CCDC102B: variants seen among roughly 807,000 people sequenced by gnomAD.
The protein encoded by CCDC102B is coiled-coil domain containing 102B, also known as coiled-coil domain-containing protein 102B.
Under a neutral mutation model 57.4 loss-of-function variants are expected in CCDC102B, and 75 were observed. That is an observed-to-expected ratio of 1.31 (90% CI 1.08 to 1.58). CCDC102B has a LOEUF of 1.58. CCDC102B is among the 40% of genes most tolerant of loss of function. The pLI, the probability that CCDC102B is intolerant of heterozygous loss-of-function variation, is 0.00. For missense variants in CCDC102B, 636 were observed against 582.6 expected, an observed-to-expected ratio of 1.09 and a Z score of -0.94; for synonymous variants, 206 against 201.9, an observed-to-expected ratio of 1.02 and a Z score of -0.17.
chr18:68,755,174 A>T (rs2034003002), intron 2 of CCDC102B, among the ~76,000 whole-genome samples: 1 of 152,194 alleles, frequency 6.6e-6, no homozygotes, highest in Non-Finnish European at 1.5e-5. Context: ...AAGCAGAGAA[A>T]GCCTTAAACC....
At chr18:68,964,301 C>A (rs2050117072) in intron 6 of CCDC102B, among the ~76,000 whole-genome samples, 1 of 151,768 alleles carries the variant, frequency 6.6e-6, no homozygotes, top group Non-Finnish European at 1.5e-5. Context: ...ATTTTAATCT[C>A]AATAACCAAA....
intron 3 of CCDC102B, among the ~76,000 whole-genome samples, chr18:68,842,954 C>A (rs1234680859): frequency 6.6e-6 from 1 of 152,086 alleles, no homozygotes; most frequent in African/African-American, 2.4e-5. Flanking sequence ...CTTCATGGGA[C>A]CAGTTTTGTG....
intron 6 of CCDC102B, among the ~76,000 whole-genome samples, chr18:68,936,660 C>CTGGATCAAATAAAGATGTTCATT (rs2049246494): frequency 6.6e-6 from 1 of 151,682 alleles, no homozygotes. Context: ...CCTTGTGTGA[C>CTGGATCAAATAAAGATGTTCATT]TGGATCAAAT....
chr18:68,889,201 T>C (rs2039989880), intron 5 of CCDC102B, among the ~76,000 whole-genome samples: 1 of 152,120 alleles, frequency 6.6e-6, no homozygotes, highest in African/African-American at 2.4e-5. Flanking sequence ...AGGTGGGATG[T>C]TTGGAAAGTG....
At chr18:68,761,865 T>G (rs2034264440) in intron 2 of CCDC102B, among the ~76,000 whole-genome samples, 1 of 152,132 alleles carries the variant, frequency 6.6e-6, no homozygotes, top group Non-Finnish European at 1.5e-5. Context: ...GTGCTTTCAT[T>G]TGTTCTGATT....
intron 2 of CCDC102B, among the ~76,000 whole-genome samples, chr18:68,746,491 A>G (rs1240104758): frequency 6.6e-6 from 1 of 152,134 alleles, no homozygotes; most frequent in Admixed American, 6.6e-5. Context: ...TTGCACAAAA[A>G]ATGACAAAGT....
In CCDC102B at chr18:69,030,467, C is replaced by T. The variant is rs201020799; in HGVS notation, c.1434+19363C>T. 3.9e-5 allele frequency among the ~76,000 whole-genome samples: 6 copies of T among 152,272 alleles called. No individual in the cohort carries two copies. In the East Asian group the frequency reaches 7.7e-4, roughly 20 times the overall value. The stretch of plus-strand genomic sequence containing the variant: ...GTAGACACATGCAGGAAGATTAGAA[C>T]TCAGAAGCTTAAATATAATTCAACA... On this transcript the variant is annotated intron_variant, in intron 7 of 7. Coordinates refer to ENST00000360242, the MANE Select transcript of CCDC102B (RefSeq NM_024781.3).
chr18:68,763,158 A>C (rs2034310067), intron 2 of CCDC102B, among the ~76,000 whole-genome samples: 2 of 151,946 alleles, frequency 1.3e-5, no homozygotes, highest in Non-Finnish European at 2.9e-5. Context: ...GTCTTTAAAG[A>C]CCTTTTTTCA....
intron 6 of CCDC102B, among the ~76,000 whole-genome samples, chr18:69,006,994 G>T (rs1599838412): frequency 6.6e-6 from 1 of 152,284 alleles, no homozygotes; most frequent in East Asian, 1.9e-4. Flanking sequence ...TCTAACACGG[G>T]ATTGTCACGT....
At chr18:68,897,516 C>T (rs1305753917) in intron 6 of CCDC102B, 88 bp downstream of exon 6, 46 of 1,545,076 alleles carry the variant, frequency 3.0e-5, no homozygotes, top group Non-Finnish European at 3.8e-5. Context: ...CACGCCTCCA[C>T]ATTTGGATAT....
At chr18:68,838,667 C>T in intron 2 of CCDC102B, 39 bp from the exon 3 acceptor site, 2 of 1,583,336 alleles carry the variant, frequency 1.3e-6, no homozygotes, top group East Asian at 2.3e-5. Context: ...GATTTTTCTC[C>T]AGGAGGTTTA....
chr18:68,805,508 T>A (rs1441309056), intron 1 of CCDC102B, among the ~76,000 whole-genome samples: 1 of 152,132 alleles, frequency 6.6e-6, no homozygotes, highest in Non-Finnish European at 1.5e-5. Flanking sequence ...GAGCAATTTG[T>A]TAAAACTGGA....
intron 5 of CCDC102B, among the ~76,000 whole-genome samples, chr18:68,888,981 T>C (rs1349258988): frequency 6.6e-6 from 1 of 152,066 alleles, no homozygotes; most frequent in African/African-American, 2.4e-5. Flanking sequence ...CTCTATCAAT[T>C]TACACTTTTG....
At chr18:69,042,606 G>A (rs112475907) in intron 7 of CCDC102B, among the ~76,000 whole-genome samples, 165 of 152,070 alleles carry the variant, frequency 1.1e-3, no homozygotes, top group African/African-American at 3.5e-3. Flanking sequence ...ACCCTGAATC[G>A]TGAATTCCCT....
intron 2 of CCDC102B, among the ~76,000 whole-genome samples, chr18:68,781,422 C>G (rs2035005267): frequency 6.6e-6 from 1 of 152,038 alleles, no homozygotes; most frequent in Non-Finnish European, 1.5e-5. Flanking sequence ...TAGTTATTTT[C>G]CAAAGTGCTC....
chr18:68,775,854 A>G (rs762491354), intron 2 of CCDC102B, among the ~76,000 whole-genome samples: 1 of 151,924 alleles, frequency 6.6e-6, no homozygotes, highest in Non-Finnish European at 1.5e-5. Context: ...GGGTTTCACC[A>G]TGTTGGCCAG....
At position 68,874,721 on chromosome 18, in the gene CCDC102B, A is replaced by T. The variant is rs780124762; in HGVS notation, c.989A>T (p.Asn330Ile). 2 of 1,612,474 alleles carry T rather than the reference A, an allele frequency of 1.2e-6. No homozygotes were observed. Among genetic ancestry groups the T allele is most frequent in the Non-Finnish European group, 1.7e-6 (2 of 1,178,866 alleles). ...GATGAAATGCAAGAACTGTCAGGCA[A>T]TATAAAGGAAGAATCCAAATCTCAA... ...HNDEMQELSG[N>I]IKEESKSQNS... Residue 330 changes from asparagine (N) to isoleucine (I), a missense_variant, in exon 5 of 8, where the codon AAT (asparagine) becomes ATT (isoleucine). Transcript: ENST00000360242.
intron 6 of CCDC102B, among the ~76,000 whole-genome samples, chr18:68,961,090 A>G (rs1187500797): frequency 2.0e-5 from 3 of 152,134 alleles, no homozygotes; most frequent in African/African-American, 7.2e-5. Flanking sequence ...AATATATTAA[A>G]TAATAAACAT....
intron 2 of CCDC102B, among the ~76,000 whole-genome samples, chr18:68,756,757 A>G (rs1451562808): frequency 6.6e-6 from 1 of 152,172 alleles, no homozygotes; most frequent in Non-Finnish European, 1.5e-5. Flanking sequence ...AAGTAAGTCA[A>G]TTCGATAATA....
Sources: allele counts gnomAD v4.1 joint callset (sites outside exome capture counted in the v4.1 genomes callset), GRCh38; gene constraint gnomAD v4.1.1; transcripts MANE v1.5; gene names NCBI Gene and HGNC (gene_info 2026-07-23, HGNC 2026-07-21).